DERA: variants seen among roughly 807,000 people sequenced by gnomAD.
The protein encoded by DERA is 2-deoxy-D-ribose 5-phosphate aldolase.
Under a neutral mutation model 41.1 loss-of-function variants are expected in DERA, and 15 were observed. The ratio of observed to expected loss-of-function variants is 0.37; its 90% confidence interval spans 0.24 to 0.56. DERA has a LOEUF of 0.56. DERA is among the 20% of genes least tolerant of loss of function. The probability of loss-of-function intolerance (pLI) is 0.81; values close to 1 mark genes in which losing one functional copy is unlikely to be tolerated. For synonymous variants in DERA, 139 were observed against 137.4 expected, an observed-to-expected ratio of 1.01 and a Z score of -0.08; for missense variants, 396 against 403.4, an observed-to-expected ratio of 0.98 and a Z score of 0.16.
chr12:15,971,056 C>A (rs1345169418), intron 5 of DERA, among the ~76,000 whole-genome samples: 9 of 152,166 alleles, frequency 5.9e-5, no homozygotes, highest in African/African-American at 2.2e-4. Context: ...GACAGCAGCC[C>A]TTTATAGAGG....
At chr12:15,978,945 TCTATCATTC>T (rs1948716150) in intron 5 of DERA, among the ~76,000 whole-genome samples, 1 of 152,222 alleles carries the variant, frequency 6.6e-6, no homozygotes, top group African/African-American at 2.4e-5. Flanking sequence ...TGTGCATACT[TCTATCATTC>T]CCATTTTGTA....
rs866415833 is a variant in DERA, at chr12:16,007,167, G to T, written c.637+24731G>T. ...ATAGACATTTTTTACTCTTTTTGGG[G>T]TTTTTTTGTTTTTTTTTTTTTGTTT... On this transcript the variant is annotated intron_variant, in intron 6 of 8. Transcript: ENST00000428559. 3.4e-4 allele frequency among the ~76,000 whole-genome samples: 49 copies of T among 145,844 alleles called. No homozygotes were observed. The South Asian group carries it at 3.9e-3, about 12-fold the overall frequency.
In DERA at chr12:15,966,766, A is replaced by G. The variant is rs199609719; in HGVS notation, c.508+3819A>G. 6.6e-6 allele frequency among the ~76,000 whole-genome samples: 1 copy of G among 151,996 alleles called. No homozygotes were observed. The highest frequency in any genetic ancestry group is 2.4e-5 in the African/African-American group (1 of 41,372). ...CCCTGAAGTGTCCATGTTTCTCAGA[A>G]TCTGAGAACTGTGGTTCTCAGATTC... On this transcript the variant is annotated intron_variant, in intron 5 of 8. Coordinates refer to ENST00000428559, the MANE Select transcript of DERA (RefSeq NM_015954.4). The surrounding 1 kb of genome is among the most constrained non-coding windows in gnomAD (Gnocchi z 5.1).
chr12:16,035,675 A>G lies in DERA; in HGVS notation c.751-557A>G, dbSNP rs1385807037. 6.6e-6 allele frequency among the ~76,000 whole-genome samples: 1 copy of G among 152,214 alleles called. No homozygotes were observed. Among genetic ancestry groups the G allele is most frequent in the African/African-American group, 2.4e-5 (1 of 41,454 alleles). On this transcript the variant is annotated intron_variant, in intron 7 of 8. Coordinates refer to ENST00000428559, the MANE Select transcript of DERA (RefSeq NM_015954.4). The surrounding 1 kb of genome is among the most constrained non-coding windows in gnomAD (Gnocchi z 4.1). Reference sequence around the variant, plus strand: ...AACTGTGTGTGCCTGCAACTTAGAAAAAAAATCCCACAGTTAAATTGGTTA... The same window carrying G: ...AACTGTGTGTGCCTGCAACTTAGAAGAAAAATCCCACAGTTAAATTGGTTA...
rs1948936986 is a variant in DERA at position 16,010,000 on chromosome 12, A to G, written c.638-22542A>G. 6.6e-6 allele frequency among the ~76,000 whole-genome samples: 1 copy of G among 152,224 alleles called. No homozygotes were observed. The highest frequency in any genetic ancestry group is 1.5e-5 in the Non-Finnish European group (1 of 68,042). On this transcript the variant is annotated intron_variant, in intron 6 of 8. Coordinates refer to ENST00000428559, the MANE Select transcript of DERA (RefSeq NM_015954.4). This position sits in a 1 kb window ranked among gnomAD's most constrained non-coding sequence, Gnocchi z 5.3. ...TAGTTTTGTAATAGGAAGTTCTGTGAGAGACAGATAAAACCTCTGTATTAA... is the reference window on the plus strand; with the variant it reads ...TAGTTTTGTAATAGGAAGTTCTGTGGGAGACAGATAAAACCTCTGTATTAA...
In DERA at chr12:15,988,143, G is replaced by A. The variant is rs1244329228; in HGVS notation, c.637+5707G>A. Among the ~76,000 whole-genome samples the A allele has an allele frequency of 6.6e-6, 1 of 152,196 alleles. No homozygotes were observed. The highest frequency in any genetic ancestry group is 1.5e-5 in the Non-Finnish European group (1 of 68,036). ...AAGAGGGTGTTACAGCATGTCACAG[G>A]CCTAGCTGGGGGAGCCCTGAGTTCT... On this transcript the variant is annotated intron_variant, in intron 6 of 8. Coordinates refer to ENST00000428559, the MANE Select transcript of DERA (RefSeq NM_015954.4). The surrounding 1 kb of genome is among the most constrained non-coding windows in gnomAD (Gnocchi z 6.0).
intron 5 of DERA, among the ~76,000 whole-genome samples, chr12:15,975,348 G>A (rs551380541): frequency 2.0e-5 from 3 of 152,152 alleles, no homozygotes; most frequent in South Asian, 2.1e-4. Flanking sequence ...CCACAAGATC[G>A]GATGAGCCAG....
chr12:15,926,691 C>G (rs1002157097), intron 1 of DERA, among the ~76,000 whole-genome samples: 19 of 150,834 alleles, frequency 1.3e-4, no homozygotes, highest in East Asian at 7.8e-4. Context: ...AGCGGAGATC[C>G]CACCACTGCA....
At position 16,008,955 on chromosome 12, in the gene DERA, G is replaced by C. The variant is rs1228100034; in HGVS notation, c.638-23587G>C. ...TCTGATGTAGAGGCAGAAGTGCATA[G>C]CAGTTAAAAGCCTGGACTTTGAGTT... On this transcript the variant is annotated intron_variant, in intron 6 of 8. Transcript: ENST00000428559. The surrounding 1 kb of genome is among the most constrained non-coding windows in gnomAD (Gnocchi z 4.8). Among the ~76,000 whole-genome samples the C allele has an allele frequency of 6.6e-6, 1 of 152,188 alleles. No individual in the cohort carries two copies. The highest frequency in any genetic ancestry group is 1.5e-5 in the Non-Finnish European group (1 of 68,038).
intron 6 of DERA, among the ~76,000 whole-genome samples, chr12:16,005,912 A>G (rs1248018227): frequency 1.3e-5 from 2 of 152,244 alleles, no homozygotes; most frequent in Non-Finnish European, 2.9e-5. Context: ...GAGCATAAGC[A>G]TGCAGGTATA....
rs1415609336 is a variant in DERA at position 15,994,598 on chromosome 12, C to T, written c.637+12162C>T. On this transcript the variant is annotated intron_variant, in intron 6 of 8. Coordinates refer to ENST00000428559, the MANE Select transcript of DERA (RefSeq NM_015954.4). The surrounding 1 kb of genome is among the most constrained non-coding windows in gnomAD (Gnocchi z 4.8). ...CCTCCTGAATAGCTGGGACTACAGG[C>T]GCCTGCAACCACGCCTGGCTAATTT... Among the ~76,000 whole-genome samples the T allele has an allele frequency of 1.3e-5, 2 of 152,176 alleles. No homozygotes were observed. Among genetic ancestry groups the T allele is most frequent in the African/African-American group, 2.4e-5 (1 of 41,438 alleles).
At position 15,930,815 on chromosome 12, in the gene DERA, G is replaced by T. The variant is rs538057401; in HGVS notation, c.31+19401G>T. On this transcript the variant is annotated intron_variant, in intron 1 of 8. Transcript: ENST00000428559. ...TGAAAAGTAAATGTTCCTGGGAGAGGTCTTGTATTACCTTAAATTCATGGT... is the reference window on the plus strand; with the variant it reads ...TGAAAAGTAAATGTTCCTGGGAGAGTTCTTGTATTACCTTAAATTCATGGT... Among the ~76,000 whole-genome samples, 21 of 152,172 alleles carry T rather than the reference G, an allele frequency of 1.4e-4. No individual in the cohort carries two copies. In the South Asian group the frequency reaches 4.1e-3, roughly 30 times the overall value.
Position 15,995,284 on chromosome 12 carries a change from G to T in DERA, c.637+12848G>T, listed in dbSNP as rs1268074509. ...TGTTTGCAGAAATTTATAGGAGTTG[G>T]TGAACATGAAATCAATATAAAAGAG... is the stretch of plus-strand genomic sequence containing the variant. On this transcript the variant is annotated intron_variant, in intron 6 of 8. Transcript: ENST00000428559. The surrounding 1 kb of genome is among the most constrained non-coding windows in gnomAD (Gnocchi z 5.1). Among the ~76,000 whole-genome samples the T allele has an allele frequency of 6.6e-6, 1 of 152,176 alleles. No homozygotes were observed. Among genetic ancestry groups the T allele is most frequent in the East Asian group, 1.9e-4 (1 of 5,196 alleles).
In DERA at chr12:16,013,675, A is replaced by C. The variant is rs1490501148; in HGVS notation, c.638-18867A>C. Reference sequence around the variant, plus strand: ...GAGGTAGTGGGACACTGCTATAAGGATACCCGAAAATGCGGAAGCAACTTT... The same window carrying C: ...GAGGTAGTGGGACACTGCTATAAGGCTACCCGAAAATGCGGAAGCAACTTT... On this transcript the variant is annotated intron_variant, in intron 6 of 8. Coordinates refer to ENST00000428559, the MANE Select transcript of DERA (RefSeq NM_015954.4). The surrounding 1 kb of genome is among the most constrained non-coding windows in gnomAD (Gnocchi z 5.8). Among the ~76,000 whole-genome samples, 3 of 152,244 alleles carry C rather than the reference A, an allele frequency of 2.0e-5. No individual in the cohort carries two copies. Among genetic ancestry groups the C allele is most frequent in the Admixed American group, 1.3e-4 (2 of 15,284 alleles).
Position 15,996,673 on chromosome 12 carries a change from T to A in DERA, c.637+14237T>A, listed in dbSNP as rs1948840242. Among the ~76,000 whole-genome samples the A allele has an allele frequency of 6.6e-6, 1 of 152,190 alleles. No homozygotes were observed. The highest frequency in any genetic ancestry group is 2.4e-5 in the African/African-American group (1 of 41,462). On this transcript the variant is annotated intron_variant, in intron 6 of 8. Coordinates refer to ENST00000428559, the MANE Select transcript of DERA (RefSeq NM_015954.4). The surrounding 1 kb of genome is among the most constrained non-coding windows in gnomAD (Gnocchi z 4.7). ...GGTATTGAGGGGTGAGATTTTGACA[T>A]CTCTTTTTTGGGGGAAACAATTCAA... is the stretch of plus-strand genomic sequence containing the variant.
rs529883274 is a variant in DERA, at chr12:15,954,236, A to C, written c.32-2700A>C. 6.6e-6 allele frequency among the ~76,000 whole-genome samples: 1 copy of C among 152,324 alleles called. No individual in the cohort carries two copies. The highest frequency in any genetic ancestry group is 1.9e-4 in the East Asian group (1 of 5,190). ...GTGGAGAAAGACATTGCCCAGAATT[A>C]AATCCTTTCTGGTCTTTGGGAACCA... On this transcript the variant is annotated intron_variant, in intron 1 of 8. Coordinates refer to ENST00000428559, the MANE Select transcript of DERA (RefSeq NM_015954.4). This position sits in a 1 kb window ranked among gnomAD's most constrained non-coding sequence, Gnocchi z 4.0.
chr12:15,957,239 C>T lies in DERA; in HGVS notation c.129+206C>T. Among the ~76,000 whole-genome samples the T allele has an allele frequency of 6.6e-6, 1 of 152,164 alleles. No homozygotes were observed. The highest frequency in any genetic ancestry group is 1.5e-5 in the Non-Finnish European group (1 of 68,028). On this transcript the variant is annotated intron_variant, in intron 2 of 8. Transcript: ENST00000428559. This position sits in a 1 kb window ranked among gnomAD's most constrained non-coding sequence, Gnocchi z 4.8. Reference sequence around the variant, plus strand: ...CCAAACAAGTTAAAATCTTATCACTCTTGAGTGGCAAAACCGCAAATGAAT... The same window carrying T: ...CCAAACAAGTTAAAATCTTATCACTTTTGAGTGGCAAAACCGCAAATGAAT...
At chr12:15,934,400 C>A (rs1485980656) in intron 1 of DERA, among the ~76,000 whole-genome samples, 1 of 152,092 alleles carries the variant, frequency 6.6e-6, no homozygotes, top group Non-Finnish European at 1.5e-5. Context: ...TCCTGGCTAA[C>A]ACGGCGAAAC....
At chr12:15,932,087 C>A (rs1250734535) in intron 1 of DERA, among the ~76,000 whole-genome samples, 1 of 152,162 alleles carries the variant, frequency 6.6e-6, no homozygotes, top group South Asian at 2.1e-4. Context: ...TTTATTGCAA[C>A]ACAAAATGGA....
Sources: allele counts gnomAD v4.1 joint callset (sites outside exome capture counted in the v4.1 genomes callset), GRCh38; gene constraint gnomAD v4.1.1; non-coding constraint Gnocchi (gnomAD v3.1); transcripts MANE v1.5; gene names NCBI Gene and HGNC (gene_info 2026-07-23, HGNC 2026-07-21).